PAPPA: variants seen among roughly 807,000 people sequenced by gnomAD.
PAPPA encodes pappalysin-1.
PAPPA carries 60 observed loss-of-function variants against 164.0 expected under a neutral mutation model. The observed-to-expected ratio is 0.37, with a 90% CI of 0.30 to 0.45. The LOEUF is 0.45. Ranked by LOEUF, PAPPA falls within the 20% of genes least tolerant of loss-of-function variation. The probability of loss-of-function intolerance (pLI) is 1.00; values close to 1 mark genes in which losing one functional copy is unlikely to be tolerated. For synonymous variants in PAPPA, 875 were observed against 814.1 expected, an observed-to-expected ratio of 1.07 and a Z score of -1.27; for missense variants, 1,782 against 2,087.3, an observed-to-expected ratio of 0.85 and a Z score of 2.85.
At chr9:116,236,061 C>T (rs1564194476) in intron 7 of PAPPA, among the ~76,000 whole-genome samples, 2 of 151,764 alleles carry the variant, frequency 1.3e-5, no homozygotes, top group East Asian at 1.9e-4. Flanking sequence ...GTGGGTGAAT[C>T]GGGGGTGAAG....
In PAPPA at chr9:116,332,438, C is replaced by T. The variant is rs934592113; in HGVS notation, c.3367C>T (p.Leu1123Phe). 5.6e-6 allele frequency: 9 copies of T among 1,613,728 alleles called. No homozygotes were observed. Among genetic ancestry groups the T allele is most frequent in the African/African-American group, 5.3e-5 (4 of 74,942 alleles). Reference sequence around the variant, plus strand: ...GCAGGAGACCATCAGCGTGCAGCTGCTTGATACCAAAGATCAGAGCCACGA... The same window carrying T: ...GCAGGAGACCATCAGCGTGCAGCTGTTTGATACCAAAGATCAGAGCCACGA... ...QKQETISVQL[L>F]DTKDQSHDLG... is the part of the protein sequence containing the mutation. The change falls in exon 12 of 22, where the codon CTT becomes TTT. Residue 1123 changes from leucine (L) to phenylalanine (F), a missense_variant. Leu to Phe is a conservative substitution (Grantham distance 22). This residue lies in a region of PAPPA where 1,324 missense variants were observed against 1,656.9 expected (regional missense o/e 0.80). Transcript: ENST00000328252.
chr9:116,319,943 C>T (rs1157193415), intron 10 of PAPPA, among the ~76,000 whole-genome samples: 2 of 152,164 alleles, frequency 1.3e-5, no homozygotes, highest in African/African-American at 4.8e-5. Flanking sequence ...GTGTCTTAGG[C>T]CTCTAACATA....
intron 21 of PAPPA, among the ~76,000 whole-genome samples, chr9:116,390,573 G>T (rs1462170426): frequency 6.6e-6 from 1 of 152,112 alleles, no homozygotes; most frequent in East Asian, 1.9e-4. Flanking sequence ...GGAAGAGAGA[G>T]TAGATATGCT....
chr9:116,349,199 T>C (rs894804660), intron 15 of PAPPA, among the ~76,000 whole-genome samples: 26 of 151,586 alleles, frequency 1.7e-4, no homozygotes, highest in Admixed American at 6.6e-4. Flanking sequence ...ATTGTCCTTA[T>C]TCCAGTCCAG....
chr9:116,209,004 G>A (rs1354915848), intron 3 of PAPPA, among the ~76,000 whole-genome samples: 1 of 152,130 alleles, frequency 6.6e-6, no homozygotes, highest in African/African-American at 2.4e-5. Context: ...CATCTAGTGG[G>A]TAGAAGCCAG....
At chr9:116,383,252 C>G (rs1298371527) in intron 21 of PAPPA, among the ~76,000 whole-genome samples, 3 of 152,174 alleles carry the variant, frequency 2.0e-5, no homozygotes, top group Non-Finnish European at 4.4e-5. Flanking sequence ...GAGGTGGTAA[C>G]CCTGCTAGCC....
At chr9:116,346,249 C>T (rs1351552530) in intron 14 of PAPPA, among the ~76,000 whole-genome samples, 7 of 152,282 alleles carry the variant, frequency 4.6e-5, no homozygotes, top group East Asian at 1.9e-4. Flanking sequence ...CCCTTGACTC[C>T]GTAGCATGGT....
chr9:116,267,151 AAG>A (rs1264792254), intron 8 of PAPPA, among the ~76,000 whole-genome samples: 4 of 152,222 alleles, frequency 2.6e-5, no homozygotes, highest in Non-Finnish European at 4.4e-5. Flanking sequence ...ACATATATGA[AAG>A]AGACACATTA....
intron 7 of PAPPA, among the ~76,000 whole-genome samples, chr9:116,245,648 A>G (rs963783534): frequency 6.6e-6 from 1 of 152,190 alleles, no homozygotes; most frequent in Non-Finnish European, 1.5e-5. Flanking sequence ...AATATCTGGA[A>G]TGAGGGAAAC....
chr9:116,197,389 T>C (rs1844121275), intron 2 of PAPPA, among the ~76,000 whole-genome samples: 1 of 152,188 alleles, frequency 6.6e-6, no homozygotes, highest in African/African-American at 2.4e-5. Context: ...AGTGTGGTAA[T>C]GAGGAGCAAT....
intron 9 of PAPPA, among the ~76,000 whole-genome samples, chr9:116,294,642 C>T (rs780417270): frequency 1.2e-4 from 19 of 152,164 alleles, no homozygotes; most frequent in Non-Finnish European, 2.2e-4. Flanking sequence ...TCCCCCTGTT[C>T]CAAGAAACTA....
intron 7 of PAPPA, among the ~76,000 whole-genome samples, chr9:116,253,896 T>G (rs559097389): frequency 6.6e-6 from 1 of 152,182 alleles, no homozygotes; most frequent in Non-Finnish European, 1.5e-5. Context: ...CAGGGAATAT[T>G]TGGTCTCTTT....
chr9:116,182,159 C>A (rs79246332), intron 1 of PAPPA, among the ~76,000 whole-genome samples: 8,247 of 152,248 alleles, frequency 0.054, 351 homozygotes, highest in South Asian at 0.095. Context: ...GAAGAGGGAG[C>A]AATGCTGATA....
rs1843665513 is a variant in PAPPA, at chr9:116,161,599, G to A, written c.415+7012G>A. Among the ~76,000 whole-genome samples the A allele has an allele frequency of 3.3e-5, 5 of 150,856 alleles. No individual in the cohort carries two copies. In the South Asian group the frequency reaches 1.0e-3, roughly 32 times the overall value. ...ATCTTGATAGGTGTGATATGATATT[G>A]TTGTTATGTTTTTTTAAAGATCCTA... On this transcript the variant is annotated intron_variant, in intron 1 of 21. Coordinates refer to ENST00000328252, the MANE Select transcript of PAPPA (RefSeq NM_002581.5).
chr9:116,288,823 G>A (rs1845377854), intron 9 of PAPPA: 1 of 151,918 alleles, frequency 6.6e-6, no homozygotes, highest in South Asian at 2.1e-4. Flanking sequence ...GGTCTTTGAG[G>A]TGAACCAAAC....
intron 1 of PAPPA, among the ~76,000 whole-genome samples, chr9:116,168,937 A>G (rs1843744117): frequency 6.6e-6 from 1 of 152,116 alleles, no homozygotes; most frequent in Non-Finnish European, 1.5e-5. Flanking sequence ...TATTCCTTTT[A>G]CTTCGCACAA....
At chr9:116,392,258 T>C (rs1375327080) in intron 21 of PAPPA, among the ~76,000 whole-genome samples, 1 of 151,956 alleles carries the variant, frequency 6.6e-6, no homozygotes, top group East Asian at 1.9e-4. Flanking sequence ...AGAAAATACC[T>C]TTTTTTTCCC....
chr9:116,281,776 C>T (rs1476268549), intron 9 of PAPPA, among the ~76,000 whole-genome samples: 4 of 152,124 alleles, frequency 2.6e-5, no homozygotes, highest in Admixed American at 6.5e-5. Flanking sequence ...AGCTGGGAAA[C>T]CACCCACCAG....
At chr9:116,374,079 C>G (rs1846612745) in intron 19 of PAPPA, among the ~76,000 whole-genome samples, 1 of 150,488 alleles carries the variant, frequency 6.6e-6, no homozygotes, top group African/African-American at 2.4e-5. Flanking sequence ...TGTTTTCATG[C>G]TGGTGATGAT....
Sources: gnomAD v4.1 joint callset for allele counts (sites outside exome capture counted in the v4.1 genomes callset) on GRCh38, gnomAD v4.1.1 for gene constraint, gnomAD v4.1.1 regional missense constraint, MANE v1.5 for transcripts, NCBI Gene and HGNC (gene_info 2026-07-23, HGNC 2026-07-21) for gene names.